CCDC171: variants seen among roughly 807,000 people sequenced by gnomAD.
CCDC171 encodes the protein coiled-coil domain containing 171, also known as coiled-coil domain-containing protein 171.
Under a neutral mutation model 168.2 loss-of-function variants are expected in CCDC171, and 177 were observed. That is an observed-to-expected ratio of 1.05 (90% CI 0.93 to 1.19). The LOEUF (loss-of-function observed/expected upper bound fraction) is 1.19, where lower values mean the gene tolerates loss of function less well. Among genes scored for constraint, CCDC171 ranks in the 50% most tolerant of loss-of-function variants. CCDC171 has a pLI of 0.00. For synonymous variants in CCDC171, 687 were observed against 540.8 expected (o/e 1.27, Z -3.75); for missense variants, 1,991 against 1,539.0 (o/e 1.29, Z -4.91).
At chr9:15,571,797 G>T in intron 3 of CCDC171, 38 bp downstream of exon 3, 2 of 1,538,240 alleles carry the variant, frequency 1.3e-6, no homozygotes, top group South Asian at 1.3e-5. Flanking sequence ...GTTAAAAGTT[G>T]AGTTTGATTT....
chr9:15,869,071 A>G (rs2061914528), intron 23 of CCDC171, among the ~76,000 whole-genome samples: 1 of 152,042 alleles, frequency 6.6e-6, no homozygotes, highest in African/African-American at 2.4e-5. Flanking sequence ...AAAAGGAGAA[A>G]AAGTTTGTAC....
intron 3 of CCDC171, among the ~76,000 whole-genome samples, chr9:15,982,541 G>A (rs1028049894): frequency 6.6e-6 from 1 of 152,172 alleles, no homozygotes; most frequent in Non-Finnish European, 1.5e-5. Context: ...ATAATTCATG[G>A]AACCTGAGGG....
intron 8 of CCDC171, among the ~76,000 whole-genome samples, chr9:15,665,237 C>T (rs2048647548): frequency 6.6e-6 from 1 of 152,100 alleles, no homozygotes; most frequent in African/African-American, 2.4e-5. Context: ...AACGATCCTC[C>T]CTCTTTAGCC....
intron 7 of CCDC171, among the ~76,000 whole-genome samples, chr9:15,631,146 G>C (rs886816170): frequency 4.0e-4 from 61 of 152,092 alleles, no homozygotes; most frequent in Non-Finnish European, 2.5e-4. Context: ...TCAAAAGCTA[G>C]CAGAAGGCAA....
intron 4 of CCDC171, among the ~76,000 whole-genome samples, chr9:15,582,125 A>G (rs2041171957): frequency 6.6e-6 from 1 of 152,252 alleles, no homozygotes; most frequent in African/African-American, 2.4e-5. Flanking sequence ...AAGGATATGA[A>G]CAGACACTTC....
intron 24 of CCDC171, among the ~76,000 whole-genome samples, chr9:15,890,726 T>C (rs1362937962): frequency 1.3e-5 from 2 of 152,190 alleles, no homozygotes; most frequent in African/African-American, 2.4e-5. Context: ...ATATGTGCAA[T>C]TCTTTGTTTA....
chr9:15,742,891 C>T (rs2054978555), intron 16 of CCDC171, among the ~76,000 whole-genome samples: 1 of 151,952 alleles, frequency 6.6e-6, no homozygotes, highest in Non-Finnish European at 1.5e-5. Context: ...CTCCCACCTT[C>T]ACCCTCTTGA....
At position 15,745,552 on chromosome 9, in the gene CCDC171, C is replaced by T. The variant is rs1387883826; in HGVS notation, c.2592C>T (p.Leu864=). 4 of 1,588,484 alleles carry T rather than the reference C, an allele frequency of 2.5e-6. No individual in the cohort carries two copies. The highest frequency in any genetic ancestry group is 3.6e-5 in the Admixed American group (2 of 54,978). ...AGCAGTTGCGTTGTTTACAAGCGCT[C>T]AGTTGGCTCACCAGTTCTGACCTTC... ...QKEQLRCLQA[L]SWLTSSDLLA... is the part of the protein sequence containing the mutation. Residue 864 remains leucine (L), a synonymous_variant, in exon 18 of 26, where the codon CTC becomes CTT. Coordinates refer to ENST00000380701, the MANE Select transcript of CCDC171 (RefSeq NM_173550.4).
At chr9:15,890,907 G>A (rs780232060) in intron 24 of CCDC171, among the ~76,000 whole-genome samples, 5 of 152,050 alleles carry the variant, frequency 3.3e-5, no homozygotes, top group Non-Finnish European at 7.4e-5. Context: ...AAACCAATTT[G>A]CTGTATTATA....
At chr9:16,105,010 T>A in the CCDC171 span, among the ~76,000 whole-genome samples, 1 of 152,150 alleles carries the variant, frequency 6.6e-6, no homozygotes, top group Non-Finnish European at 1.5e-5. Context: ...GGAGAGAAGA[T>A]GCAGGCAGTA....
chr9:15,895,701 T>G (rs564259218), intron 24 of CCDC171, among the ~76,000 whole-genome samples: 4 of 152,208 alleles, frequency 2.6e-5, no homozygotes, highest in South Asian at 2.1e-4. Context: ...AAGTTAAGCT[T>G]CTTCTTGTTT....
At chr9:15,795,442 A>G (rs2058502168) in intron 21 of CCDC171, among the ~76,000 whole-genome samples, 1 of 152,320 alleles carries the variant, frequency 6.6e-6, no homozygotes, top group East Asian at 1.9e-4. Context: ...GAAACTAGAA[A>G]AAATATAACA....
chr9:15,759,766 A>G (rs1184769757), intron 18 of CCDC171, among the ~76,000 whole-genome samples: 1 of 152,116 alleles, frequency 6.6e-6, no homozygotes, highest in Non-Finnish European at 1.5e-5. Flanking sequence ...TCATTTTTAA[A>G]AAAGCTTTAC....
chr9:15,783,471 C>G (rs1433076309), intron 20 of CCDC171, among the ~76,000 whole-genome samples: 3 of 152,114 alleles, frequency 2.0e-5, no homozygotes, highest in Non-Finnish European at 4.4e-5. Context: ...ACCTCACATC[C>G]TTTTTTACAA....
intron 7 of CCDC171, among the ~76,000 whole-genome samples, chr9:15,655,682 T>C (rs1587771085): frequency 6.6e-6 from 1 of 152,328 alleles, no homozygotes; most frequent in East Asian, 1.9e-4. Flanking sequence ...TGTTTTCAGA[T>C]TGTATAATGA....
intron 7 of CCDC171, among the ~76,000 whole-genome samples, chr9:15,625,925 C>T (rs965750550): frequency 3.3e-5 from 5 of 152,100 alleles, no homozygotes; most frequent in Admixed American, 1.3e-4. Context: ...GCCATTTTCA[C>T]GATATTGCTT....
At chr9:15,870,717 A>G (rs1030998263) in intron 23 of CCDC171, among the ~76,000 whole-genome samples, 1 of 151,642 alleles carries the variant, frequency 6.6e-6, no homozygotes, top group African/African-American at 2.4e-5. Flanking sequence ...TGTGCATGAT[A>G]AAAGATGGAG....
chr9:15,790,088 G>C (rs1221812564), intron 21 of CCDC171, among the ~76,000 whole-genome samples: 1 of 152,188 alleles, frequency 6.6e-6, no homozygotes, highest in African/African-American at 2.4e-5. Context: ...ATAGCAGCAT[G>C]ATTTATAATC....
chr9:16,102,834 G>A, the CCDC171 span, among the ~76,000 whole-genome samples: 2 of 152,254 alleles, frequency 1.3e-5, no homozygotes, highest in Admixed American at 1.3e-4. Flanking sequence ...TGAGTGTCTG[G>A]AGATGTGAGT....
Sources: allele counts gnomAD v4.1 joint callset (sites outside exome capture counted in the v4.1 genomes callset), GRCh38; gene constraint gnomAD v4.1.1; transcripts MANE v1.5; gene names NCBI Gene and HGNC (gene_info 2026-07-23, HGNC 2026-07-21).